Variants in ELAPOR1 observed in about 807,000 individuals in gnomAD.
The protein encoded by ELAPOR1 is endosome/lysosome-associated apoptosis and autophagy regulator 1.
In ELAPOR1, 77 loss-of-function variants were observed where a neutral mutation model predicts 119.7. That is an observed-to-expected ratio of 0.64 (90% CI 0.54 to 0.78). The LOEUF is 0.78. Among genes scored for constraint, ELAPOR1 ranks in the 30% least tolerant of loss-of-function variants. ELAPOR1 has a pLI of 0.00. For missense variants in ELAPOR1, 1,115 were observed against 1,270.4 expected, an observed-to-expected ratio of 0.88 and a Z score of 1.86; for synonymous variants, 481 against 487.2, an observed-to-expected ratio of 0.99 and a Z score of 0.17.
intron 14 of ELAPOR1, among the ~76,000 whole-genome samples, chr1:109,193,920 G>C (rs1653610188): frequency 6.6e-6 from 1 of 152,178 alleles, no homozygotes; most frequent in Non-Finnish European, 1.5e-5. Flanking sequence ...GCAATGAATG[G>C]GTTTATGGGA....
chr1:109,135,460 G>A (rs1364722724), intron 1 of ELAPOR1, among the ~76,000 whole-genome samples: 1 of 152,112 alleles, frequency 6.6e-6, no homozygotes, highest in Non-Finnish European at 1.5e-5. Flanking sequence ...AGGCTGGCTG[G>A]TCTCCAACTC....
At chr1:109,167,942 G>A (rs887940587) in intron 3 of ELAPOR1, among the ~76,000 whole-genome samples, 9 of 151,954 alleles carry the variant, frequency 5.9e-5, no homozygotes, top group African/African-American at 1.5e-4. Context: ...GTACTTTCCC[G>A]CTCAAAACCC....
chr1:109,148,698 T>C (rs982661687), intron 1 of ELAPOR1, among the ~76,000 whole-genome samples: 5 of 152,218 alleles, frequency 3.3e-5, no homozygotes, highest in African/African-American at 1.2e-4. Flanking sequence ...AGCAATGTCC[T>C]TGGAGAGTTT....
intron 1 of ELAPOR1, among the ~76,000 whole-genome samples, chr1:109,132,856 T>C (rs1396097858): frequency 6.6e-6 from 1 of 152,226 alleles, no homozygotes; most frequent in African/African-American, 2.4e-5. Context: ...TGCCCCTATC[T>C]ACAAGGACTT....
chr1:109,128,869 C>T (rs1424380438), intron 1 of ELAPOR1, among the ~76,000 whole-genome samples: 1 of 152,148 alleles, frequency 6.6e-6, no homozygotes, highest in Non-Finnish European at 1.5e-5. Flanking sequence ...TGCCCAAGAC[C>T]AAGGATATTA....
chr1:109,141,822 C>A (rs1649845427), intron 1 of ELAPOR1, among the ~76,000 whole-genome samples: 1 of 151,972 alleles, frequency 6.6e-6, no homozygotes, highest in South Asian at 2.1e-4. Flanking sequence ...TGCACCACCA[C>A]ACCTGGCTAA....
In ELAPOR1 at chr1:109,194,537, C is replaced by T. The variant is rs1653662050; in HGVS notation, c.2064C>T (p.Phe688=). 1.2e-6 allele frequency: 2 copies of T among 1,613,882 alleles called. No homozygotes were observed. Among genetic ancestry groups the T allele is most frequent in the Middle Eastern group, 1.6e-4 (1 of 6,084 alleles). Reference sequence around the variant, plus strand: ...TCACTCTTGCTGGAGGGCCAAGCTTCACTTCCAAAGGGCTGAAATACTTCC... The same window carrying T: ...TCACTCTTGCTGGAGGGCCAAGCTTTACTTCCAAAGGGCTGAAATACTTCC... ...NTVTLAGGPS[F]TSKGLKYFHH... The change falls in exon 15 of 22, where the codon TTC becomes TTT. Residue 688 remains phenylalanine, a synonymous_variant. Coordinates refer to ENST00000369939, the MANE Select transcript of ELAPOR1 (RefSeq NM_020775.5).
At chr1:109,194,261 G>C (rs530850972) in intron 14 of ELAPOR1, among the ~76,000 whole-genome samples, 160 bp from the exon 15 acceptor site, 4 of 152,298 alleles carry the variant, frequency 2.6e-5, no homozygotes, top group African/African-American at 9.6e-5. Flanking sequence ...AATCCCACTA[G>C]TGCCTGTTTC....
chr1:109,206,431 A>G lies in ELAPOR1; in HGVS notation c.*3419A>G, dbSNP rs1368929302. On this transcript the variant is annotated 3_prime_UTR_variant, in exon 22 of 22. Coordinates refer to ENST00000369939, the MANE Select transcript of ELAPOR1 (RefSeq NM_020775.5). ...TAAAATGTTTAAATCTCATTTGGTT[A>G]CCTTGAGTCCTGGAACATGCAGTAA... is the stretch of plus-strand genomic sequence containing the variant. 6.6e-6 allele frequency: 1 copy of G among 152,184 alleles called. No homozygotes were observed. Among genetic ancestry groups the G allele is most frequent in the Non-Finnish European group, 1.5e-5 (1 of 68,046 alleles). 9.4% of individuals were successfully genotyped at this position (152,184 alleles called of 1,614,324 possible). A position where few individuals can be genotyped will look rare whatever the true frequency, so the allele number is the denominator to read the frequency against.
intron 1 of ELAPOR1, among the ~76,000 whole-genome samples, chr1:109,120,092 T>C (rs568602702): frequency 1.1e-4 from 16 of 152,152 alleles, no homozygotes; most frequent in Non-Finnish European, 2.9e-5. Context: ...ATGGGATTAG[T>C]GCACTTATAA....
chr1:109,135,117 A>G (rs1468064964), intron 1 of ELAPOR1, among the ~76,000 whole-genome samples: 3 of 152,212 alleles, frequency 2.0e-5, no homozygotes, highest in African/African-American at 7.2e-5. Flanking sequence ...TTCCTGGTTT[A>G]GAGCAGGGTT....
intron 7 of ELAPOR1, among the ~76,000 whole-genome samples, chr1:109,178,569 G>A (rs1006363340): frequency 3.9e-5 from 6 of 152,200 alleles, no homozygotes; most frequent in African/African-American, 1.2e-4. Flanking sequence ...GTTAGAGCTG[G>A]TGCCTGACCT....
In ELAPOR1 at chr1:109,203,113, T is replaced by A. The variant is rs1033057927; in HGVS notation, c.*101T>A. ...ATCCTGCAACACCCACTGCTGGAAA[T>A]CTCTTCATTGTGGCCTTATCAGATG... On this transcript the variant is annotated 3_prime_UTR_variant, in exon 22 of 22. Coordinates refer to ENST00000369939, the MANE Select transcript of ELAPOR1 (RefSeq NM_020775.5). 6 of 758,020 alleles carry A rather than the reference T, an allele frequency of 7.9e-6. No individual in the cohort carries two copies. The highest frequency in any genetic ancestry group is 1.4e-5 in the Non-Finnish European group (6 of 434,964). 47.0% of individuals were successfully genotyped at this position (758,020 alleles called of 1,614,324 possible).
At chr1:109,121,923 G>A (rs1358366357) in intron 1 of ELAPOR1, among the ~76,000 whole-genome samples, 3 of 151,592 alleles carry the variant, frequency 2.0e-5, no homozygotes, top group Non-Finnish European at 4.4e-5. Context: ...ACAGGCACCC[G>A]TCACCACGCC....
In ELAPOR1 at chr1:109,161,968, G is replaced by A. The variant is rs764373611; in HGVS notation, c.228G>A (p.Pro76=). Residue 76 remains proline, a synonymous_variant, in exon 2 of 22, where the codon CCG becomes CCA. Transcript: ENST00000369939. ...GGAGGGTCGCCGTGCCGCATACCCC[G>A]GGCCTGTGCACCAGCCTGCCTGACC... ...SRWRVAVPHT[P]GLCTSLPDPI... 7.4e-6 allele frequency: 12 copies of A among 1,613,904 alleles called. No individual in the cohort carries two copies. Among genetic ancestry groups the A allele is most frequent in the East Asian group, 4.5e-5 (2 of 44,884 alleles).
chr1:109,115,831 C>G (rs1349317504), intron 1 of ELAPOR1, among the ~76,000 whole-genome samples: 1 of 152,202 alleles, frequency 6.6e-6, no homozygotes, highest in Non-Finnish European at 1.5e-5. Flanking sequence ...CCTGGGCCAT[C>G]TACATTTCCA....
At chr1:109,155,175 TTA>T (rs1008083098) in intron 1 of ELAPOR1, among the ~76,000 whole-genome samples, 1 of 151,806 alleles carries the variant, frequency 6.6e-6, no homozygotes, top group Non-Finnish European at 1.5e-5. Context: ...GTGAACATCA[TTA>T]TATATATATA....
intron 1 of ELAPOR1, among the ~76,000 whole-genome samples, chr1:109,157,901 TA>T (rs1650980227): frequency 6.6e-6 from 1 of 152,188 alleles, no homozygotes; most frequent in South Asian, 2.1e-4. Flanking sequence ...TTCCTTTTTT[TA>T]TTTGAGACAG....
chr1:109,189,754 T>G (rs1653309534), intron 11 of ELAPOR1, 72 bp downstream of exon 11: 1 of 1,179,596 alleles, frequency 8.5e-7, no homozygotes, highest in African/African-American at 1.5e-5. Flanking sequence ...TTTGGAATAT[T>G]GTAGAGGAGA....
Sources: allele counts gnomAD v4.1 joint callset (sites outside exome capture counted in the v4.1 genomes callset), GRCh38; gene constraint gnomAD v4.1.1; transcripts MANE v1.5; gene names NCBI Gene and HGNC (gene_info 2026-07-23, HGNC 2026-07-21).